RAB2B: variants seen among roughly 807,000 people sequenced by gnomAD.
RAB2B encodes the protein ras-related protein Rab-2B.
A neutral mutation model predicts 29.8 loss-of-function variants in RAB2B; 20 were observed. The ratio of observed to expected loss-of-function variants is 0.67; its 90% CI spans 0.47 to 0.97. The LOEUF is 0.97. Ranked by LOEUF, RAB2B falls within the 50% of genes least tolerant of loss-of-function variation. RAB2B has a pLI of 0.00. For synonymous variants in RAB2B, 93 were observed against 91.7 expected, an observed-to-expected ratio of 1.01 and a Z score of -0.08; for missense variants, 218 against 272.0, an observed-to-expected ratio of 0.80 and a Z score of 1.40.
chr14:21,476,270 AATTGT>A, intron 2 of RAB2B: 1 of 426,018 alleles, frequency 2.3e-6, no homozygotes, highest in Admixed American at 3.9e-5. Context: ...TAAACATACA[AATTGT>A]ATTTGAAAAA....
In RAB2B at chr14:21,461,252, G is replaced by T. The variant is rs1041182311; in HGVS notation, c.595C>A (p.Pro199Thr). ...PQQSISTSVG[P>T]SASQRNSRDI... is the part of the protein sequence containing the mutation. ...CGAGAGTTCCGCTGGGAGGCACTGG[G>T]TCCCACTGATGTTGAAATTGACTGT... Residue 199 changes from proline to threonine, a missense_variant, in exon 8 of 8, where the codon CCC (proline) becomes ACC (threonine). Transcript: ENST00000397762. The T allele has an allele frequency of 6.8e-6, 11 of 1,613,728 alleles. No homozygotes were observed. Among genetic ancestry groups the T allele is most frequent in the Non-Finnish European group, 9.3e-6 (11 of 1,179,878 alleles).
At chr14:21,467,953 C>T (rs1433829733) in intron 5 of RAB2B, among the ~76,000 whole-genome samples, 1 of 151,776 alleles carries the variant, frequency 6.6e-6, no homozygotes, top group African/African-American at 2.4e-5. Flanking sequence ...ATAAGCCAGT[C>T]ACAAAAGCAC....
intron 5 of RAB2B, among the ~76,000 whole-genome samples, chr14:21,464,900 G>A (rs1293112660): frequency 6.6e-6 from 1 of 152,140 alleles, no homozygotes; most frequent in Non-Finnish European, 1.5e-5. Flanking sequence ...CTACGTGAGA[G>A]GCTGAGGTGA....
chr14:21,476,657 G>A, intron 1 of RAB2B, 58 bp from the exon 2 acceptor site: 1 of 1,613,418 alleles, frequency 6.2e-7, no homozygotes, highest in Non-Finnish European at 8.5e-7. Context: ...TCCAGAGTAT[G>A]GACTTCCCGG....
In RAB2B at chr14:21,462,866, A is replaced by G. The variant is rs564102665; in HGVS notation, c.475-448T>C. ...AAAAAAAAAAAAAAAATCAAAAAAG[A>G]AAAAAAACATAGAAGGTCCCCCAAA... is the stretch of plus-strand genomic sequence containing the variant. On this transcript the variant is annotated intron_variant, in intron 6 of 7. Coordinates refer to ENST00000397762, the MANE Select transcript of RAB2B (RefSeq NM_032846.4). Among the ~76,000 whole-genome samples, 39 of 151,626 alleles carry G rather than the reference A, an allele frequency of 2.6e-4. No homozygotes were observed. In the East Asian group the frequency reaches 7.5e-3, roughly 29 times the overall value.
rs967715152 is a variant in RAB2B, at chr14:21,461,091, C to T, written c.*105G>A. Reference sequence around the variant, plus strand: ...TTAGGTGGAAAGGCAAAACATCACACTTTAAAAAGAGGCTGCTCTCAGCCA... The same window carrying T: ...TTAGGTGGAAAGGCAAAACATCACATTTTAAAAAGAGGCTGCTCTCAGCCA... On this transcript the variant is annotated 3_prime_UTR_variant, in exon 8 of 8. Coordinates refer to ENST00000397762, the MANE Select transcript of RAB2B (RefSeq NM_032846.4). The T allele has an allele frequency of 4.9e-6, 4 of 822,318 alleles. No homozygotes were observed. The highest frequency in any genetic ancestry group is 2.4e-5 in the Admixed American group (1 of 42,062). 50.9% of individuals were successfully genotyped at this position (822,318 alleles called of 1,614,324 possible).
Position 21,460,585 on chromosome 14 carries a change from C to CAAAAAAAAAAAA in RAB2B, c.*610_*611insTTTTTTTTTTTT, listed in dbSNP as rs1409022198. On this transcript the variant is annotated 3_prime_UTR_variant, in exon 8 of 8. Coordinates refer to ENST00000397762, the MANE Select transcript of RAB2B (RefSeq NM_032846.4). ...GGAGACAGAGTGAGACTCCATCCCCCCAAAAAAAAAAAAAAAAAAAGAAAA... is the reference window on the plus strand; with the variant it reads ...GGAGACAGAGTGAGACTCCATCCCCCAAAAAAAAAAAACAAAAAAAAAAAAAAAAAAAGAAAA... The CAAAAAAAAAAAA allele has an allele frequency of 3.2e-5, 3 of 92,952 alleles. No homozygotes were observed. The highest frequency in any genetic ancestry group is 4.3e-5 in the African/African-American group (1 of 23,104). 5.8% of individuals were successfully genotyped at this position (92,952 alleles called of 1,614,324 possible).
In RAB2B at chr14:21,465,503, C is replaced by T. The variant is rs536951205; in HGVS notation, c.363-1736G>A. The stretch of plus-strand genomic sequence containing the variant: ...AATATGTACCTTAAAATTATCCTTT[C>T]TTTCTCTTTCCAGGGTCACTTCCTA... On this transcript the variant is annotated intron_variant, in intron 5 of 7. Coordinates refer to ENST00000397762, the MANE Select transcript of RAB2B (RefSeq NM_032846.4). Among the ~76,000 whole-genome samples the T allele has an allele frequency of 3.9e-5, 6 of 152,280 alleles. No homozygotes were observed. In the South Asian group the frequency reaches 1.0e-3, roughly 26 times the overall value.
At chr14:21,471,092 G>A (rs140320311) in intron 3 of RAB2B, among the ~76,000 whole-genome samples, 2 of 151,156 alleles carry the variant, frequency 1.3e-5, no homozygotes, top group Non-Finnish European at 2.9e-5. Context: ...AGAACTGCTT[G>A]AGCCCGGGAG....
At chr14:21,472,828 A>C (rs1890852177) in intron 3 of RAB2B, among the ~76,000 whole-genome samples, 1 of 152,138 alleles carries the variant, frequency 6.6e-6, no homozygotes, top group Admixed American at 6.6e-5. Context: ...GCTTAAAAAA[A>C]AAAAAAAAAG....
At chr14:21,468,116 AG>A (rs1890725922) in intron 5 of RAB2B, among the ~76,000 whole-genome samples, 1 of 152,166 alleles carries the variant, frequency 6.6e-6, no homozygotes, top group Non-Finnish European at 1.5e-5. Context: ...AAGATGAAAA[AG>A]TTCTGGAGAT....
intron 3 of RAB2B, among the ~76,000 whole-genome samples, chr14:21,474,270 G>T (rs968557382): frequency 8.5e-5 from 13 of 152,172 alleles, no homozygotes; most frequent in African/African-American, 3.1e-4. Flanking sequence ...TAGGATGATG[G>T]TTACATAAAT....
rs185728856 is a variant in RAB2B, at chr14:21,470,619, C to T, written c.187-1867G>A. The stretch of plus-strand genomic sequence containing the variant: ...ATAATATTTTAAGATTAAAAAAATA[C>T]TTACAGTTTTATATTTACTCCCTAA... On this transcript the variant is annotated intron_variant, in intron 3 of 7. Transcript: ENST00000397762. Among the ~76,000 whole-genome samples the T allele has an allele frequency of 5.6e-3, 845 of 152,250 alleles. 4 individuals carry two copies. Among genetic ancestry groups the T allele is most frequent in the Admixed American group, 9.7e-3 (149 of 15,296 alleles).
At chr14:21,475,494 G>C (rs1223139273) in intron 2 of RAB2B, among the ~76,000 whole-genome samples, 2 of 147,140 alleles carry the variant, frequency 1.4e-5, no homozygotes, top group East Asian at 2.0e-4. Context: ...GCAGTGGTGC[G>C]ATCTCAGCTC....
At chr14:21,474,629 T>G in intron 3 of RAB2B, 2 of 457,872 alleles carry the variant, frequency 4.4e-6, no homozygotes, top group East Asian at 7.2e-5. Flanking sequence ...TTCTATAAAT[T>G]TATATTGTTT....
intron 3 of RAB2B, 70 bp downstream of exon 3, chr14:21,474,796 CT>C: frequency 1.5e-6 from 2 of 1,300,084 alleles, no homozygotes; most frequent in East Asian, 4.6e-5. Flanking sequence ...CTCATCGCCC[CT>C]TTCCTTTGCA....
chr14:21,469,061 A>T (rs1486656846), intron 3 of RAB2B, among the ~76,000 whole-genome samples: 1 of 150,598 alleles, frequency 6.6e-6, no homozygotes, highest in African/African-American at 2.4e-5. Context: ...CCCAGTCAGC[A>T]CGATAAAGAC....
At position 21,462,376 on chromosome 14, in the gene RAB2B, G is replaced by C. The variant is rs1890578499; in HGVS notation, c.517C>G (p.Gln173Glu). 6.2e-7 allele frequency: 1 copy of C among 1,613,462 alleles called. No individual in the cohort carries two copies. The highest frequency in any genetic ancestry group is 1.7e-5 in the Admixed American group (1 of 59,950). ...TCATTGTGGACATCAAATAAACCCTGCTGGATCTTCCTATATATTTCTTTG... is the reference window on the plus strand; with the variant it reads ...TCATTGTGGACATCAAATAAACCCTCCTGGATCTTCCTATATATTTCTTTG... ...TAKEIYRKIQQGLFDVHNEAN... is the reference protein window; with the variant it reads ...TAKEIYRKIQEGLFDVHNEAN... Residue 173 changes from glutamine to glutamate, a missense_variant, in exon 7 of 8, where the codon CAG (glutamine) becomes GAG (glutamate). Coordinates refer to ENST00000397762, the MANE Select transcript of RAB2B (RefSeq NM_032846.4).
At chr14:21,475,749 T>C (rs1333750367) in intron 2 of RAB2B, among the ~76,000 whole-genome samples, 1 of 152,206 alleles carries the variant, frequency 6.6e-6, no homozygotes, top group Non-Finnish European at 1.5e-5. Flanking sequence ...TACTGCCAAA[T>C]CCTTTTCTAA....
Sources: allele counts gnomAD v4.1 joint callset (sites outside exome capture counted in the v4.1 genomes callset), GRCh38; gene constraint gnomAD v4.1.1; transcripts MANE v1.5; gene names NCBI Gene and HGNC (gene_info 2026-07-23, HGNC 2026-07-21).